Variants in LIN9 observed in about 807,000 individuals in gnomAD.
The protein encoded by LIN9 is lin-9 DREAM MuvB core complex component.
Under a neutral mutation model 78.0 loss-of-function variants are expected in LIN9, and 18 were observed. That is an observed-to-expected ratio of 0.23 (90% CI 0.16 to 0.34). The LOEUF (loss-of-function observed/expected upper bound fraction) is 0.34, where lower values mean the gene tolerates loss of function less well. Among genes scored for constraint, LIN9 ranks in the 10% least tolerant of loss-of-function variants. The pLI, the probability that LIN9 is intolerant of heterozygous loss-of-function variation, is 1.00. For synonymous variants in LIN9, 192 were observed against 215.2 expected (o/e 0.89, Z 0.94); for missense variants, 451 against 644.1 (o/e 0.70, Z 3.25).
At chr1:226,305,132 T>C (rs1364440332) in intron 1 of LIN9, among the ~76,000 whole-genome samples, 3 of 151,426 alleles carry the variant, frequency 2.0e-5, no homozygotes, top group Admixed American at 2.0e-4. Flanking sequence ...ACTGCACCGC[T>C]GCACTCCAGC....
intron 8 of LIN9, 113 bp downstream of exon 8, chr1:226,267,844 C>G: frequency 8.6e-7 from 1 of 1,168,430 alleles, no homozygotes. Flanking sequence ...CTAAGGATCT[C>G]TTCCTCTGTG....
intron 10 of LIN9, among the ~76,000 whole-genome samples, chr1:226,255,614 G>A (rs1467770257): frequency 6.6e-6 from 1 of 152,198 alleles, no homozygotes; most frequent in African/African-American, 2.4e-5. Flanking sequence ...TGGCAGGGAT[G>A]TTGAAATTTG....
rs1326286547 is a variant in LIN9 at position 226,286,202 on chromosome 1, A to C, written c.524+131T>G. The C allele has an allele frequency of 3.7e-6, 3 of 819,578 alleles. No individual in the cohort carries two copies. In the East Asian group the frequency reaches 8.0e-5, roughly 22 times the overall value. The allele number at this position is 819,578 out of a possible 1,614,324, so 50.8% of individuals were successfully genotyped here. On this transcript the variant is annotated intron_variant, in intron 6 of 14. Transcript: ENST00000681046. ...GACTATTCACAGGTGTAATCACAGC[A>C]TACTACAGCCCTGAACCCCTGGCCT... is the stretch of plus-strand genomic sequence containing the variant.
In LIN9 at chr1:226,281,049, A is replaced by T. The variant is rs577388173; in HGVS notation, c.525-3117T>A. The stretch of plus-strand genomic sequence containing the variant: ...CATCAACAGATGAATGGAATTTTAA[A>T]ATATGGTATATATGCACAATGGAAT... On this transcript the variant is annotated intron_variant, in intron 6 of 14. Coordinates refer to ENST00000681046, the MANE Select transcript of LIN9 (RefSeq NM_001366245.2). Among the ~76,000 whole-genome samples the T allele has an allele frequency of 5.3e-5, 8 of 152,350 alleles. No individual in the cohort carries two copies. The South Asian group carries it at 1.5e-3, about 28-fold the overall frequency.
chr1:226,305,288 AG>A (rs1195895671), intron 1 of LIN9, among the ~76,000 whole-genome samples: 1 of 141,366 alleles, frequency 7.1e-6, no homozygotes, highest in African/African-American at 2.6e-5. Context: ...TGAGCAACAT[AG>A]GGAGACCTCG....
rs957244419 is a variant in LIN9 at position 226,290,542 on chromosome 1, G to A, written c.265-2745C>T. Among the ~76,000 whole-genome samples, 12 of 151,740 alleles carry A rather than the reference G, an allele frequency of 7.9e-5. No individual in the cohort carries two copies. In the East Asian group the frequency reaches 2.0e-3, roughly 25 times the overall value. On this transcript the variant is annotated intron_variant, in intron 4 of 14. Coordinates refer to ENST00000681046, the MANE Select transcript of LIN9 (RefSeq NM_001366245.2). ...TTTTTTGTAGAGACGGGGTTTCACC[G>A]TGTTAGCCAGGGTGGTCTTGATCTC...
intron 11 of LIN9, among the ~76,000 whole-genome samples, chr1:226,247,708 G>A (rs1258787644): frequency 7.2e-6 from 1 of 139,026 alleles, no homozygotes; most frequent in African/African-American, 2.7e-5. Context: ...GTCTCGCTCT[G>A]TTGCCCAGGC....
chr1:226,288,961 G>A (rs1661550864), intron 4 of LIN9, among the ~76,000 whole-genome samples: 1 of 152,130 alleles, frequency 6.6e-6, no homozygotes, highest in South Asian at 2.1e-4. Context: ...ATCTTATGCT[G>A]GGCGCAGTGG....
chr1:226,258,054 T>G (rs540124645), intron 10 of LIN9, among the ~76,000 whole-genome samples: 2 of 152,082 alleles, frequency 1.3e-5, no homozygotes, highest in Admixed American at 1.3e-4. Context: ...TGTGGTGTCT[T>G]GTGCCTGTAG....
chr1:226,260,746 G>A (rs779582170), intron 10 of LIN9, among the ~76,000 whole-genome samples: 6 of 137,856 alleles, frequency 4.4e-5, no homozygotes, highest in Non-Finnish European at 7.6e-5. Flanking sequence ...CCAGGTTCAC[G>A]CCAGTCTCCT....
At chr1:226,251,316 C>G (rs1658823842) in intron 10 of LIN9, among the ~76,000 whole-genome samples, 1 of 151,914 alleles carries the variant, frequency 6.6e-6, no homozygotes, top group Non-Finnish European at 1.5e-5. Flanking sequence ...CAACCTCCGC[C>G]TCCCAGGCTC....
chr1:226,273,623 T>C (rs138022575), intron 7 of LIN9, among the ~76,000 whole-genome samples: 130 of 152,280 alleles, frequency 8.5e-4, no homozygotes, highest in African/African-American at 3.0e-3. Flanking sequence ...TCTTCTTCTT[T>C]TTTTTAAAAA....
chr1:226,305,000 G>T (rs1662811837), intron 1 of LIN9, among the ~76,000 whole-genome samples: 1 of 151,680 alleles, frequency 6.6e-6, no homozygotes, highest in South Asian at 2.1e-4. Flanking sequence ...GACCAGCCAG[G>T]TTCTACTAAA....
chr1:226,232,807 G>C, intron 14 of LIN9: 2 of 499,236 alleles, frequency 4.0e-6, no homozygotes, highest in South Asian at 3.4e-5. Flanking sequence ...GAGCCACGGG[G>C]GGCTGGAAGG....
intron 2 of LIN9, among the ~76,000 whole-genome samples, chr1:226,299,697 G>A (rs1046186065): frequency 2.0e-5 from 3 of 152,032 alleles, no homozygotes; most frequent in African/African-American, 4.8e-5. Context: ...TAGCTTTAAA[G>A]ACTAAAAGTA....
At chr1:226,241,469 T>C (rs1658106744) in intron 11 of LIN9, among the ~76,000 whole-genome samples, 1 of 152,216 alleles carries the variant, frequency 6.6e-6, no homozygotes, top group African/African-American at 2.4e-5. Context: ...ATCTTTTGTG[T>C]TCAACATTTT....
intron 12 of LIN9, among the ~76,000 whole-genome samples, chr1:226,237,246 T>C (rs1265121135): frequency 2.0e-5 from 3 of 152,200 alleles, no homozygotes; most frequent in Admixed American, 6.5e-5. Flanking sequence ...TTGTGAATAA[T>C]TGCTAGTCCA....
intron 5 of LIN9, among the ~76,000 whole-genome samples, chr1:226,286,704 A>C (rs1311266794): frequency 2.6e-5 from 4 of 152,214 alleles, no homozygotes. Flanking sequence ...TCTCTTATAC[A>C]GGTATATCCT....
chr1:226,299,842 A>G (rs1662402961), intron 2 of LIN9, among the ~76,000 whole-genome samples: 1 of 152,160 alleles, frequency 6.6e-6, no homozygotes, highest in Admixed American at 6.5e-5. Context: ...ACCAAGGAAC[A>G]TGTCAAACTT....
Sources: allele counts gnomAD v4.1 joint callset (sites outside exome capture counted in the v4.1 genomes callset), GRCh38; gene constraint gnomAD v4.1.1; transcripts MANE v1.5; gene names NCBI Gene and HGNC (gene_info 2026-07-23, HGNC 2026-07-21).